PCDH17: variants seen among roughly 807,000 people sequenced by gnomAD.
PCDH17 encodes the protein protocadherin-17.
A neutral mutation model predicts 67.7 loss-of-function variants in PCDH17; 21 were observed. That is an observed-to-expected ratio of 0.31 (90% CI 0.22 to 0.45). The LOEUF (loss-of-function observed/expected upper bound fraction) is 0.45, where lower values mean the gene tolerates loss of function less well. Among genes scored for constraint, PCDH17 ranks in the 20% least tolerant of loss-of-function variants. The pLI is 1.00. For synonymous variants in PCDH17, 701 were observed against 656.7 expected, an observed-to-expected ratio of 1.07 and a Z score of -1.03; for missense variants, 1,471 against 1,564.8, an observed-to-expected ratio of 0.94 and a Z score of 1.01.
intron 1 of PCDH17, among the ~76,000 whole-genome samples, chr13:57,639,128 G>C (rs569568730): frequency 3.3e-5 from 5 of 151,872 alleles, no homozygotes; most frequent in African/African-American, 1.2e-4. Flanking sequence ...GGAAAGGAAT[G>C]TCCCTTTCTT....
At chr13:57,724,296 G>A (rs1399978683) in intron 3 of PCDH17, among the ~76,000 whole-genome samples, 1 of 152,104 alleles carries the variant, frequency 6.6e-6, no homozygotes, top group African/African-American at 2.4e-5. Flanking sequence ...ACAGAACAAA[G>A]ACTAACTGAT....
At chr13:57,638,637 A>G (rs1052169710) in intron 1 of PCDH17, among the ~76,000 whole-genome samples, 2 of 152,094 alleles carry the variant, frequency 1.3e-5, no homozygotes, top group Non-Finnish European at 2.9e-5. Flanking sequence ...CTAGGAAGAT[A>G]AAATCCTTTT....
Position 57,727,522 on chromosome 13 carries a change from A to T in PCDH17, c.*2228A>T, listed in dbSNP as rs1452735985. On this transcript the variant is annotated 3_prime_UTR_variant, in exon 4 of 4. Transcript: ENST00000377918. ...GTTTGCAAAACTGCTTTGAGAGGGA[A>T]GAGTGGACAACTCCCATCAGCCTTA... 1.3e-5 allele frequency: 2 copies of T among 152,168 alleles called. No homozygotes were observed. The highest frequency in any genetic ancestry group is 4.8e-5 in the African/African-American group (2 of 41,458). 9.4% of individuals were successfully genotyped at this position (152,168 alleles called of 1,614,324 possible).
At chr13:57,713,333 G>A (rs1955792585) in intron 3 of PCDH17, among the ~76,000 whole-genome samples, 1 of 151,666 alleles carries the variant, frequency 6.6e-6, no homozygotes. Context: ...TTATTCTTGG[G>A]ATGAACCAAT....
intron 3 of PCDH17, among the ~76,000 whole-genome samples, chr13:57,690,651 G>A (rs1327016912): frequency 6.6e-6 from 1 of 151,466 alleles, no homozygotes; most frequent in Non-Finnish European, 1.5e-5. Context: ...AGGTGAAATG[G>A]TATATTTAAT....
At chr13:57,641,587 A>AATAT (rs1166347188) in intron 1 of PCDH17, among the ~76,000 whole-genome samples, 366 of 20,582 alleles carry the variant, frequency 0.018, 8 homozygotes, top group Middle Eastern at 0.071. Context: ...AAAAAAAAAA[A>AATAT]ATATATATAT....
At chr13:57,667,208 T>C (rs1234567203) in intron 3 of PCDH17, among the ~76,000 whole-genome samples, 1 of 152,156 alleles carries the variant, frequency 6.6e-6, no homozygotes, top group Non-Finnish European at 1.5e-5. Context: ...TTCAACACTT[T>C]TTAGATAAAA....
At chr13:57,662,339 A>G (rs1460282000) in intron 1 of PCDH17, among the ~76,000 whole-genome samples, 1 of 152,224 alleles carries the variant, frequency 6.6e-6, no homozygotes, top group Non-Finnish European at 1.5e-5. Flanking sequence ...TGTTACATGC[A>G]TACATTATTT....
rs772755109 is a variant in PCDH17 at position 57,634,509 on chromosome 13, G to A, written c.1963G>A (p.Val655Met). 2 of 1,612,952 alleles carry A rather than the reference G, an allele frequency of 1.2e-6. No individual in the cohort carries two copies. Among genetic ancestry groups the A allele is most frequent in the Admixed American group, 3.3e-5 (2 of 60,014 alleles). The change falls in exon 1 of 4, where the codon GTG becomes ATG. Residue 655 changes from valine (V) to methionine (M), a missense_variant. Val to Met is a conservative substitution (Grantham distance 21). Transcript: ENST00000377918. The surrounding 1 kb of genome is among the most constrained non-coding windows in gnomAD (Gnocchi z 7.8). ...CACGCTGCACCCTTTCTGGGAGGACGTGACGCCCGTGGTGGAGCTGGTGGT... is the reference window on the plus strand; with the variant it reads ...CACGCTGCACCCTTTCTGGGAGGACATGACGCCCGTGGTGGAGCTGGTGGT... ...IRTLHPFWED[V>M]TPVVELVVKV...
rs1301437265 is a variant in PCDH17 at position 57,727,671 on chromosome 13, ACT to A, written c.*2382_*2383del. ...ACCTTGTACATGTGAAACCTAATTGACTCTCTATATTTTGGACAATTTATGTA... is the reference window on the plus strand; with the variant it reads ...ACCTTGTACATGTGAAACCTAATTGACTCTATATTTTGGACAATTTATGTA... On this transcript the variant is annotated 3_prime_UTR_variant, in exon 4 of 4. Transcript: ENST00000377918. 1.3e-5 allele frequency: 2 copies of A among 151,918 alleles called. No individual in the cohort carries two copies. The highest frequency in any genetic ancestry group is 1.3e-4 in the Admixed American group (2 of 15,242). 9.4% of individuals were successfully genotyped at this position (151,918 alleles called of 1,614,324 possible).
intron 3 of PCDH17, among the ~76,000 whole-genome samples, chr13:57,685,778 GA>G (rs1036463601): frequency 6.6e-6 from 1 of 151,808 alleles, no homozygotes; most frequent in African/African-American, 2.4e-5. Flanking sequence ...AATAACTAAG[GA>G]AATCACAGTA....
At chr13:57,713,742 T>C (rs767978631) in intron 3 of PCDH17, among the ~76,000 whole-genome samples, 1 of 151,652 alleles carries the variant, frequency 6.6e-6, no homozygotes, top group Non-Finnish European at 1.5e-5. Flanking sequence ...CATGCACATG[T>C]ACGCGTATGC....
intron 3 of PCDH17, among the ~76,000 whole-genome samples, chr13:57,667,440 G>C (rs1955268032): frequency 6.6e-6 from 1 of 151,816 alleles, no homozygotes; most frequent in Non-Finnish European, 1.5e-5. Context: ...TTCATCTCAT[G>C]ACTTTTTATT....
chr13:57,675,406 G>C (rs1955380982), intron 3 of PCDH17, among the ~76,000 whole-genome samples: 1 of 151,876 alleles, frequency 6.6e-6, no homozygotes, highest in Admixed American at 6.6e-5. Flanking sequence ...GGAATACAAA[G>C]ATGAGCTGAG....
intron 1 of PCDH17, among the ~76,000 whole-genome samples, chr13:57,646,861 G>T (rs1245696192): frequency 6.6e-6 from 1 of 151,566 alleles, no homozygotes; most frequent in Non-Finnish European, 1.5e-5. Context: ...GAAATATTTG[G>T]CATTTTTGAA....
intron 2 of PCDH17, 44 bp from the exon 3 acceptor site, chr13:57,666,617 G>A: frequency 6.2e-7 from 1 of 1,607,238 alleles, no homozygotes; most frequent in Non-Finnish European, 8.5e-7. Context: ...ATTCAAACTA[G>A]TAGAGACAAC....
intron 3 of PCDH17, among the ~76,000 whole-genome samples, chr13:57,669,696 C>G (rs1955297555): frequency 6.6e-6 from 1 of 152,074 alleles, no homozygotes; most frequent in Admixed American, 6.6e-5. Context: ...AAAAAATAAG[C>G]TAACTCGAAG....
At chr13:57,693,845 TGTTTAGATTTCATCTTTCTATATAA>T (rs1955582554) in intron 3 of PCDH17, among the ~76,000 whole-genome samples, 1 of 151,166 alleles carries the variant, frequency 6.6e-6, no homozygotes, top group Non-Finnish European at 1.5e-5. Context: ...AACTATTACA[TGTTTAGATTTCATCTTTCTATATAA>T]GTTATGTCTT....
In PCDH17 at chr13:57,634,416, A is replaced by G. The variant is rs1170580530; in HGVS notation, c.1870A>G (p.Thr624Ala). ...DSDFGESGRL[T>A]YEIVDGNDDH... ...CGACTTCGGCGAGAGCGGGCGTCTC[A>G]CCTACGAGATCGTGGACGGCAACGA... The change falls in exon 1 of 4, where the codon ACC becomes GCC. Residue 624 changes from threonine (T) to alanine (A), a missense_variant. Transcript: ENST00000377918. The surrounding 1 kb of genome is among the most constrained non-coding windows in gnomAD (Gnocchi z 7.8). 4 of 1,612,556 alleles carry G rather than the reference A, an allele frequency of 2.5e-6. No homozygotes were observed. In the East Asian group the frequency reaches 8.9e-5, roughly 36 times the overall value.
Sources: allele counts gnomAD v4.1 joint callset (sites outside exome capture counted in the v4.1 genomes callset), GRCh38; gene constraint gnomAD v4.1.1; non-coding constraint Gnocchi (gnomAD v3.1); transcripts MANE v1.5; gene names NCBI Gene and HGNC (gene_info 2026-07-23, HGNC 2026-07-21).